The following FAF1 variants were observed in gnomAD, a reference collection of about 807,000 sequenced individuals.
FAF1 encodes the protein Fas associated factor 1, also known as FAS-associated factor 1.
Under a neutral mutation model 92.5 loss-of-function variants are expected in FAF1, and 25 were observed. The ratio of observed to expected loss-of-function variants is 0.27; its 90% CI spans 0.20 to 0.38. The LOEUF is 0.38. Among genes scored for constraint, FAF1 ranks in the 10% least tolerant of loss-of-function variants. FAF1 has a pLI of 1.00. For missense variants in FAF1, 636 were observed against 793.3 expected, an observed-to-expected ratio of 0.80 and a Z score of 2.38; for synonymous variants, 234 against 273.2, an observed-to-expected ratio of 0.86 and a Z score of 1.42.
chr1:50,638,135 GATTTTTGTAT>G (rs1337903552), intron 8 of FAF1, among the ~76,000 whole-genome samples: 4 of 152,048 alleles, frequency 2.6e-5, no homozygotes, highest in Non-Finnish European at 4.4e-5. Flanking sequence ...TAACACAATT[GATTTTTGTAT>G]ATTGATCTCA....
At chr1:50,751,129 T>C (rs1659849244) in intron 4 of FAF1, among the ~76,000 whole-genome samples, 1 of 138,170 alleles carries the variant, frequency 7.2e-6, no homozygotes, top group Non-Finnish European at 1.6e-5. Flanking sequence ...CATTTGACAA[T>C]ATTCAACACC....
At chr1:50,950,944 G>T (rs576258769) in intron 1 of FAF1, among the ~76,000 whole-genome samples, 43 of 152,334 alleles carry the variant, frequency 2.8e-4, no homozygotes, top group South Asian at 4.1e-4. Context: ...TAAAATATTT[G>T]TTTCAGCCAG....
intron 17 of FAF1, among the ~76,000 whole-genome samples, chr1:50,488,924 G>A (rs1228327458): frequency 6.6e-6 from 1 of 152,122 alleles, no homozygotes; most frequent in East Asian, 1.9e-4. Context: ...GGGTTTGTCA[G>A]GCATAATATC....
In FAF1 at chr1:50,841,316, C is replaced by T. The variant is rs888941257; in HGVS notation, c.114+16613G>A. Among the ~76,000 whole-genome samples, 21 of 151,544 alleles carry T rather than the reference C, an allele frequency of 1.4e-4. No individual in the cohort carries two copies. In the East Asian group the frequency reaches 1.7e-3, roughly 13 times the overall value. ...TTCAAAATTTTTAAGATATTTGTGA[C>T]CCAAAAGAGTTTAAGAAAAATTGGT... On this transcript the variant is annotated intron_variant, in intron 2 of 18. Coordinates refer to ENST00000396153, the MANE Select transcript of FAF1 (RefSeq NM_007051.3).
intron 2 of FAF1, among the ~76,000 whole-genome samples, chr1:50,839,715 G>A (rs1327545434): frequency 6.6e-6 from 1 of 151,880 alleles, no homozygotes; most frequent in African/African-American, 2.4e-5. Context: ...ACTAGTAATT[G>A]AAAAAGAAGA....
intron 15 of FAF1, among the ~76,000 whole-genome samples, chr1:50,507,199 A>T (rs1438553586): frequency 1.3e-5 from 2 of 152,116 alleles, no homozygotes; most frequent in African/African-American, 4.8e-5. Flanking sequence ...AAACTAACTG[A>T]CCTCCTGAGT....
chr1:50,764,516 G>T (rs544007756), intron 4 of FAF1, among the ~76,000 whole-genome samples: 1 of 152,136 alleles, frequency 6.6e-6, no homozygotes, highest in Non-Finnish European at 1.5e-5. Flanking sequence ...CTGCAGGACC[G>T]TTGGGCTCTG....
intron 8 of FAF1, among the ~76,000 whole-genome samples, chr1:50,604,699 G>A (rs896293947): frequency 2.6e-5 from 4 of 151,972 alleles, no homozygotes; most frequent in African/African-American, 9.7e-5. Context: ...GTAGAAATGA[G>A]GGTCTCCTTA....
intron 7 of FAF1, among the ~76,000 whole-genome samples, chr1:50,683,799 G>GC (rs1365294817): frequency 2.6e-5 from 4 of 151,862 alleles, no homozygotes; most frequent in Non-Finnish European, 5.9e-5. Flanking sequence ...GGGTGTGGTG[G>GC]CACGTGCCTG....
At chr1:50,448,482 G>A (rs1046539621) in intron 18 of FAF1, among the ~76,000 whole-genome samples, 1 of 152,142 alleles carries the variant, frequency 6.6e-6, no homozygotes, top group African/African-American at 2.4e-5. Context: ...GTGACTTCTG[G>A]ATGTGTTCCC....
At chr1:50,533,612 T>G (rs867433269) in intron 15 of FAF1, among the ~76,000 whole-genome samples, 4 of 152,180 alleles carry the variant, frequency 2.6e-5, no homozygotes, top group Admixed American at 2.6e-4. Flanking sequence ...ATTAAAATTG[T>G]CTATATGTTT....
chr1:50,837,504 T>A (rs955806794), intron 2 of FAF1, among the ~76,000 whole-genome samples: 2 of 152,222 alleles, frequency 1.3e-5, no homozygotes, highest in African/African-American at 4.8e-5. Flanking sequence ...ATAAGGGATT[T>A]CTTTCTTTAC....
At position 50,730,698 on chromosome 1, in the gene FAF1, T is replaced by C. The variant is rs369499234; in HGVS notation, c.551+8165A>G. Reference sequence around the variant, plus strand: ...CAGTTCTATACTATACCCAAATGGCTCAGGCCAGTGGTCAGAAATAAGAAC... The same window carrying C: ...CAGTTCTATACTATACCCAAATGGCCCAGGCCAGTGGTCAGAAATAAGAAC... On this transcript the variant is annotated intron_variant, in intron 6 of 18. Transcript: ENST00000396153. Among the ~76,000 whole-genome samples, 3 of 152,242 alleles carry C rather than the reference T, an allele frequency of 2.0e-5. No individual in the cohort carries two copies. The East Asian group carries it at 5.8e-4, about 29-fold the overall frequency.
intron 18 of FAF1, among the ~76,000 whole-genome samples, chr1:50,449,637 G>C (rs1646270953): frequency 1.3e-5 from 2 of 151,288 alleles, no homozygotes; most frequent in Non-Finnish European, 2.9e-5. Flanking sequence ...CTACAGGCAT[G>C]CACCACCATG....
intron 2 of FAF1, among the ~76,000 whole-genome samples, chr1:50,806,179 A>G (rs1662192754): frequency 1.3e-5 from 2 of 148,362 alleles, no homozygotes; most frequent in African/African-American, 2.6e-5. Context: ...AGACAAGTCA[A>G]TAAGAAAATG....
chr1:50,591,334 A>G (rs1388589937), intron 9 of FAF1, among the ~76,000 whole-genome samples: 4 of 152,078 alleles, frequency 2.6e-5, no homozygotes, highest in Admixed American at 6.5e-5. Context: ...AGCGCTCTTC[A>G]CTAAACTGTG....
At chr1:50,452,550 C>G (rs1256986733) in intron 18 of FAF1, among the ~76,000 whole-genome samples, 1 of 152,172 alleles carries the variant, frequency 6.6e-6, no homozygotes, top group Non-Finnish European at 1.5e-5. Context: ...CCTCACTTTC[C>G]AAGGCCAATA....
chr1:50,942,752 T>C (rs932123006), intron 1 of FAF1, among the ~76,000 whole-genome samples: 2 of 152,114 alleles, frequency 1.3e-5, no homozygotes, highest in East Asian at 3.9e-4. Flanking sequence ...TCGTTGTTTT[T>C]TTTTTTTTTA....
Position 50,760,694 on chromosome 1 carries a change from A to G in FAF1, c.368-15919T>C, listed in dbSNP as rs545765713. On this transcript the variant is annotated intron_variant, in intron 4 of 18. Coordinates refer to ENST00000396153, the MANE Select transcript of FAF1 (RefSeq NM_007051.3). ...CTGGGACACATTCAAAGCAGTATGTAGAGGGAAATTTATAGCACTAAATGC... is the reference window on the plus strand; with the variant it reads ...CTGGGACACATTCAAAGCAGTATGTGGAGGGAAATTTATAGCACTAAATGC... Among the ~76,000 whole-genome samples, 23 of 152,352 alleles carry G rather than the reference A, an allele frequency of 1.5e-4. No individual in the cohort carries two copies. In the East Asian group the frequency reaches 4.4e-3, roughly 29 times the overall value.
Sources: allele counts gnomAD v4.1 joint callset (sites outside exome capture counted in the v4.1 genomes callset), GRCh38; gene constraint gnomAD v4.1.1; transcripts MANE v1.5; gene names NCBI Gene and HGNC (gene_info 2026-07-23, HGNC 2026-07-21).